The following GRM5 variants were observed in gnomAD, a reference collection of about 807,000 sequenced individuals.
The protein encoded by GRM5 is glutamate metabotropic receptor 5, also known as metabotropic glutamate receptor 5.
Under a neutral mutation model 83.1 loss-of-function variants are expected in GRM5, and 19 were observed. That is an observed-to-expected ratio of 0.23 (90% CI 0.16 to 0.34). The LOEUF is 0.34. Ranked by LOEUF, GRM5 falls within the 10% of genes least tolerant of loss-of-function variation. GRM5 has a pLI of 1.00. For synonymous variants in GRM5, 675 were observed against 633.6 expected (o/e 1.07, Z -0.98); for missense variants, 1,160 against 1,588.3 (o/e 0.73, Z 4.58).
At chr11:88,689,832 C>T (rs1313793874) in intron 3 of GRM5, among the ~76,000 whole-genome samples, 1 of 152,144 alleles carries the variant, frequency 6.6e-6, no homozygotes, top group Admixed American at 6.5e-5. Context: ...TACGAATAAC[C>T]AGCAGACACT....
intron 2 of GRM5, among the ~76,000 whole-genome samples, chr11:88,916,503 G>C (rs116816509): frequency 0.01 from 1,589 of 152,226 alleles, 28 homozygotes; most frequent in African/African-American, 0.037. Flanking sequence ...CACATCTGAG[G>C]AGTAAGAACC....
In GRM5 at chr11:88,745,182, TTTTCTTTTTA is replaced by T. The variant is rs1942107806; in HGVS notation, c.912-91789_912-91780del. Reference sequence around the variant, plus strand: ...CTACTACTCACTTCTCCTAATTTTTTTTTCTTTTTATTTTTCTTTTTTTTTTTTTCTGAGA... The same window carrying T: ...CTACTACTCACTTCTCCTAATTTTTTTTTTTCTTTTTTTTTTTTTCTGAGA... On this transcript the variant is annotated intron_variant, in intron 3 of 9. Coordinates refer to ENST00000305447, the MANE Select transcript of GRM5 (RefSeq NM_001143831.3). Among the ~76,000 whole-genome samples the T allele has an allele frequency of 3.8e-5, 2 of 53,186 alleles. 1 individual carries two copies. The highest frequency in any genetic ancestry group is 1.1e-4 in the African/African-American group (2 of 17,464). 34.9% of individuals were successfully genotyped at this position (53,186 alleles called of 152,430 possible).
At chr11:88,795,944 GT>G (rs1943267265) in intron 3 of GRM5, among the ~76,000 whole-genome samples, 1 of 152,100 alleles carries the variant, frequency 6.6e-6, no homozygotes, top group African/African-American at 2.4e-5. Flanking sequence ...CATCTGGATT[GT>G]TACTTATTTA....
intron 3 of GRM5, among the ~76,000 whole-genome samples, chr11:88,795,079 G>A (rs554231818): frequency 6.6e-6 from 1 of 152,282 alleles, no homozygotes; most frequent in Admixed American, 6.5e-5. Flanking sequence ...AACAATCAGA[G>A]CTAGAACATG....
intron 2 of GRM5, among the ~76,000 whole-genome samples, chr11:88,895,818 GATCAAATGTA>G (rs1416430842): frequency 2.0e-5 from 3 of 151,936 alleles, no homozygotes; most frequent in African/African-American, 7.2e-5. Flanking sequence ...AGGTCTGTGT[GATCAAATGTA>G]ATTCAACAAA....
At chr11:88,597,566 A>G (rs1249483184) in intron 5 of GRM5, among the ~76,000 whole-genome samples, 1 of 152,124 alleles carries the variant, frequency 6.6e-6, no homozygotes, top group Non-Finnish European at 1.5e-5. Context: ...CCTGAAATAG[A>G]AAGTAATCCC....
At chr11:88,975,187 TATATC>T (rs1403785784) in intron 2 of GRM5, among the ~76,000 whole-genome samples, 2 of 152,204 alleles carry the variant, frequency 1.3e-5, no homozygotes, top group East Asian at 1.9e-4. Flanking sequence ...ATTTCTCAAA[TATATC>T]ATATAAAGTA....
At chr11:88,770,399 G>GTAA (rs1383231406) in intron 3 of GRM5, among the ~76,000 whole-genome samples, 3 of 152,022 alleles carry the variant, frequency 2.0e-5, no homozygotes, top group Non-Finnish European at 4.4e-5. Flanking sequence ...CTACACTAAT[G>GTAA]TAATGTGTTA....
At chr11:88,993,036 T>C (rs1029270553) in intron 2 of GRM5, among the ~76,000 whole-genome samples, 3 of 149,164 alleles carry the variant, frequency 2.0e-5, no homozygotes, top group Admixed American at 1.3e-4. Context: ...AATAAAATAA[T>C]AAAAAAATAA....
In GRM5 at chr11:89,047,372, T is replaced by A. The variant is rs1246754864; in HGVS notation, c.501A>T (p.Ile167=). The A allele has an allele frequency of 1.2e-6, 2 of 1,613,806 alleles. No homozygotes were observed. The highest frequency in any genetic ancestry group is 1.3e-5 in the African/African-American group (1 of 74,842). The change falls in exon 2 of 10, where the codon ATA becomes ATT. Residue 167 remains isoleucine (I), a synonymous_variant. Transcript: ENST00000305447. The surrounding 1 kb of genome is among the most constrained non-coding windows in gnomAD (Gnocchi z 5.1). The part of the protein sequence containing the change: ...QVQNLLQLFN[I]PQIAYSATSM... ...TGGTTGCTGAGTAAGCAATCTGAGG[T>A]ATGTTGAAAAGCTGGAGCAAATTCT... is the stretch of plus-strand genomic sequence containing the variant.
At chr11:88,759,179 T>C (rs1942458090) in intron 3 of GRM5, among the ~76,000 whole-genome samples, 1 of 151,668 alleles carries the variant, frequency 6.6e-6, no homozygotes, top group Admixed American at 6.6e-5. Flanking sequence ...CAAGTCTACA[T>C]AATAACCAGC....
intron 3 of GRM5, among the ~76,000 whole-genome samples, chr11:88,667,878 G>A (rs570716944): frequency 5.3e-5 from 8 of 151,528 alleles, no homozygotes; most frequent in Non-Finnish European, 7.4e-5. Flanking sequence ...GGGCGACAGA[G>A]GGAGACTCTA....
intron 2 of GRM5, among the ~76,000 whole-genome samples, chr11:88,951,077 GTGT>G (rs1565306507): frequency 1.1e-4 from 1 of 9,184 alleles, no homozygotes; most frequent in Admixed American, 7.9e-3. Context: ...GCAGATTAGA[GTGT>G]GTGTGTGTGT....
At chr11:88,704,556 T>C (rs1941110728) in intron 3 of GRM5, among the ~76,000 whole-genome samples, 1 of 152,060 alleles carries the variant, frequency 6.6e-6, no homozygotes, top group South Asian at 2.1e-4. Context: ...TATTTTCTCA[T>C]CTCTGAGACT....
intron 2 of GRM5, among the ~76,000 whole-genome samples, chr11:89,001,565 T>C (rs1230764160): frequency 2.6e-5 from 4 of 152,052 alleles, no homozygotes; most frequent in African/African-American, 9.7e-5. Context: ...GGTAGGGAAG[T>C]GAATGCTCTA....
chr11:88,563,901 A>C (rs1196002237), intron 8 of GRM5, among the ~76,000 whole-genome samples: 1 of 152,192 alleles, frequency 6.6e-6, no homozygotes, highest in East Asian at 1.9e-4. Flanking sequence ...AAATATGCTA[A>C]ACATCACAGA....
chr11:88,927,233 T>C (rs558088903), intron 2 of GRM5, among the ~76,000 whole-genome samples: 1 of 114,826 alleles, frequency 8.7e-6, no homozygotes, highest in Admixed American at 8.8e-5. Context: ...TTATTTCGAT[T>C]CTTCTAGGGC....
intron 2 of GRM5, among the ~76,000 whole-genome samples, chr11:89,045,742 G>A (rs1182604853): frequency 6.6e-6 from 1 of 152,044 alleles, no homozygotes; most frequent in African/African-American, 2.4e-5. Context: ...AAGCTAGAAG[G>A]GAGTCCCTAA....
At chr11:88,647,769 A>G (rs1939504945) in intron 4 of GRM5, among the ~76,000 whole-genome samples, 1 of 152,246 alleles carries the variant, frequency 6.6e-6, no homozygotes. Context: ...CAAAGGGCTA[A>G]TATCCAGAAT....
Sources: allele counts gnomAD v4.1 joint callset (sites outside exome capture counted in the v4.1 genomes callset), GRCh38; gene constraint gnomAD v4.1.1; non-coding constraint Gnocchi (gnomAD v3.1); transcripts MANE v1.5; gene names NCBI Gene and HGNC (gene_info 2026-07-23, HGNC 2026-07-21).